Variants in DDAH1 observed in about 807,000 individuals in gnomAD.
DDAH1 encodes the protein N(G),N(G)-dimethylarginine dimethylaminohydrolase 1.
DDAH1 carries 19 observed loss-of-function variants against 28.8 expected under a neutral mutation model. That is an observed-to-expected ratio of 0.66 (90% confidence interval 0.46 to 0.97). The LOEUF (loss-of-function observed/expected upper bound fraction) is 0.97, where lower values mean the gene tolerates loss of function less well. DDAH1 is among the 50% of genes least tolerant of loss of function. DDAH1 has a pLI of 0.00. For synonymous variants in DDAH1, 153 were observed against 154.4 expected, an observed-to-expected ratio of 0.99 and a Z score of 0.07; for missense variants, 326 against 375.9, an observed-to-expected ratio of 0.87 and a Z score of 1.10.
At chr1:85,570,730 C>T (rs572137522) in intron 1 of DDAH1, among the ~76,000 whole-genome samples, 6 of 152,266 alleles carry the variant, frequency 3.9e-5, no homozygotes, top group Admixed American at 6.5e-5. Flanking sequence ...GGAATGTTCA[C>T]GTGATGGCAA....
chr1:85,374,163 T>C (rs1206114524), intron 1 of DDAH1, among the ~76,000 whole-genome samples: 1 of 152,112 alleles, frequency 6.6e-6, no homozygotes, highest in East Asian at 1.9e-4. Context: ...TCTTTTTTGC[T>C]TGGGTTATCC....
chr1:85,564,246 C>T (rs901908603), intron 1 of DDAH1, among the ~76,000 whole-genome samples: 2 of 152,026 alleles, frequency 1.3e-5, no homozygotes, highest in Non-Finnish European at 2.9e-5. Flanking sequence ...ATGTGATTAA[C>T]AGCAGATTAT....
At chr1:85,528,020 G>A (rs1179935815) in intron 1 of DDAH1, among the ~76,000 whole-genome samples, 1 of 151,780 alleles carries the variant, frequency 6.6e-6, no homozygotes, top group African/African-American at 2.4e-5. Context: ...GTTATTTAGT[G>A]TTTAAAATCA....
chr1:85,379,493 A>G (rs1650865503), intron 1 of DDAH1: 1 of 710,228 alleles, frequency 1.4e-6, no homozygotes, highest in South Asian at 6.3e-5. Context: ...TAAAATTCTA[A>G]ATTAAAAATA....
chr1:85,509,427 TCTC>T (rs1657146897), intron 1 of DDAH1, among the ~76,000 whole-genome samples: 2 of 152,234 alleles, frequency 1.3e-5, no homozygotes, highest in South Asian at 4.1e-4. Context: ...GAGTACCTAT[TCTC>T]CTCCAAAGGA....
intron 1 of DDAH1, among the ~76,000 whole-genome samples, chr1:85,443,693 G>A (rs907634140): frequency 1.3e-5 from 2 of 151,724 alleles, no homozygotes; most frequent in East Asian, 1.9e-4. Flanking sequence ...TATTCGTTGA[G>A]CAGTGGTTTG....
intron 2 of DDAH1, among the ~76,000 whole-genome samples, chr1:85,354,073 T>C (rs1649369330): frequency 6.6e-6 from 1 of 152,192 alleles, no homozygotes; most frequent in Admixed American, 6.5e-5. Context: ...ATCTTCCTGA[T>C]GGAAACAACT....
At position 85,464,556 on chromosome 1, in the gene DDAH1, A is replaced by C; in HGVS notation, c.303+187T>G. Reference sequence around the variant, plus strand: ...CTCCAGAAGGCTGCCGGCAGCCGGGAGGTGTGAACAATGAACTTCTCTCTG... The same window carrying C: ...CTCCAGAAGGCTGCCGGCAGCCGGGCGGTGTGAACAATGAACTTCTCTCTG... On this transcript the variant is annotated intron_variant, in intron 1 of 5. Coordinates refer to ENST00000284031, the MANE Select transcript of DDAH1 (RefSeq NM_012137.4). This position sits in a 1 kb window ranked among gnomAD's most constrained non-coding sequence, Gnocchi z 4.4. 2 of 1,519,524 alleles carry C rather than the reference A, an allele frequency of 1.3e-6. No homozygotes were observed. Among genetic ancestry groups the C allele is most frequent in the Non-Finnish European group, 1.8e-6 (2 of 1,137,902 alleles). The allele number at this position is 1,519,524 out of a possible 1,614,324, so 94.1% of individuals were successfully genotyped here.
At chr1:85,386,342 G>A (rs1570467723) in intron 1 of DDAH1, among the ~76,000 whole-genome samples, 2 of 152,188 alleles carry the variant, frequency 1.3e-5, no homozygotes, top group East Asian at 3.9e-4. Flanking sequence ...GTTTGTACAG[G>A]CACTGGGTTA....
intron 4 of DDAH1, among the ~76,000 whole-genome samples, chr1:85,341,471 C>T (rs1292565310): frequency 6.6e-6 from 1 of 152,192 alleles, no homozygotes; most frequent in Non-Finnish European, 1.5e-5. Flanking sequence ...TGGAATCTTT[C>T]TGTGGTTTTC....
chr1:85,430,027 T>C (rs1653597943), intron 1 of DDAH1, among the ~76,000 whole-genome samples: 1 of 152,080 alleles, frequency 6.6e-6, no homozygotes, highest in Non-Finnish European at 1.5e-5. Context: ...ATTTGTCAAT[T>C]TTGGCAAATT....
At chr1:85,409,404 T>G (rs1156916827) in intron 1 of DDAH1, among the ~76,000 whole-genome samples, 1 of 152,216 alleles carries the variant, frequency 6.6e-6, no homozygotes, top group Admixed American at 6.5e-5. Context: ...TTCATTATTT[T>G]CCCTTAAATG....
chr1:85,343,136 A>G (rs1443113899), intron 4 of DDAH1, among the ~76,000 whole-genome samples: 2 of 152,238 alleles, frequency 1.3e-5, no homozygotes, highest in Non-Finnish European at 2.9e-5. Flanking sequence ...CAGGATGAAC[A>G]GCACTTTTAA....
intron 1 of DDAH1, among the ~76,000 whole-genome samples, chr1:85,433,670 T>C (rs1302224669): frequency 6.6e-6 from 1 of 152,220 alleles, no homozygotes; most frequent in Non-Finnish European, 1.5e-5. Flanking sequence ...TATTCCTTCA[T>C]AAGGACATCA....
At chr1:85,503,530 T>TATCA (rs1656897959) in intron 1 of DDAH1, among the ~76,000 whole-genome samples, 1 of 148,416 alleles carries the variant, frequency 6.7e-6, no homozygotes, top group African/African-American at 2.4e-5. Context: ...TCTATCTATC[T>TATCA]ATCTATCTAT....
chr1:85,367,166 C>T (rs1650120193), intron 1 of DDAH1, among the ~76,000 whole-genome samples: 1 of 151,998 alleles, frequency 6.6e-6, no homozygotes, highest in African/African-American at 2.4e-5. Flanking sequence ...GTTAGCTGCA[C>T]CTAAAAATAA....
chr1:85,404,388 G>T, intron 1 of DDAH1: 2 of 1,535,072 alleles, frequency 1.3e-6, no homozygotes, highest in Non-Finnish European at 1.7e-6. Context: ...TACCATAGCT[G>T]ACTGCCATCA....
chr1:85,576,434 A>T (rs1659606471), intron 1 of DDAH1, among the ~76,000 whole-genome samples: 5 of 152,162 alleles, frequency 3.3e-5, no homozygotes, highest in Admixed American at 3.3e-4. Flanking sequence ...GAGGAGGAAG[A>T]GGGGAAGGGG....
intron 1 of DDAH1, among the ~76,000 whole-genome samples, chr1:85,403,159 C>A (rs1487153130): frequency 3.3e-5 from 5 of 150,714 alleles, no homozygotes; most frequent in African/African-American, 1.2e-4. Flanking sequence ...TATGTAAACT[C>A]CTAGATTTAC....
Sources: allele counts gnomAD v4.1 joint callset (sites outside exome capture counted in the v4.1 genomes callset), GRCh38; gene constraint gnomAD v4.1.1; non-coding constraint Gnocchi (gnomAD v3.1); transcripts MANE v1.5; gene names NCBI Gene and HGNC (gene_info 2026-07-23, HGNC 2026-07-21).